The following CMTM8 variants were observed in gnomAD, a reference collection of about 807,000 sequenced individuals.
CMTM8 encodes CKLF-like MARVEL transmembrane domain-containing protein 8.
Under a neutral mutation model 18.6 loss-of-function variants are expected in CMTM8, and 12 were observed. That is an observed-to-expected ratio of 0.65 (90% CI 0.41 to 1.05). CMTM8 has a LOEUF of 1.05. CMTM8 is among the 50% of genes least tolerant of loss of function. The pLI is 0.00. For synonymous variants in CMTM8, 87 were observed against 90.6 expected (o/e 0.96, Z 0.23); for missense variants, 217 against 227.2 (o/e 0.95, Z 0.29).
intron 1 of CMTM8, among the ~76,000 whole-genome samples, chr3:32,320,881 A>G (rs1247430192): frequency 4.6e-5 from 7 of 152,072 alleles, no homozygotes; most frequent in Admixed American, 1.3e-4. Flanking sequence ...GTTTGCCCCT[A>G]TGATCTTATT....
chr3:32,297,416 G>C (rs1702900287), intron 1 of CMTM8, among the ~76,000 whole-genome samples: 1 of 152,174 alleles, frequency 6.6e-6, no homozygotes. Flanking sequence ...CTGACCTCAG[G>C]TGATCCACCC....
At chr3:32,279,063 T>C (rs1176333037) in intron 1 of CMTM8, among the ~76,000 whole-genome samples, 1 of 152,230 alleles carries the variant, frequency 6.6e-6, no homozygotes, top group African/African-American at 2.4e-5. Flanking sequence ...CTCAGTGTCT[T>C]GGCTGTGCTT....
At chr3:32,295,030 G>C (rs903642782) in intron 1 of CMTM8, among the ~76,000 whole-genome samples, 1 of 152,118 alleles carries the variant, frequency 6.6e-6, no homozygotes, top group Middle Eastern at 3.2e-3. Context: ...AATCCAGCCT[G>C]GGTGACAGAG....
chr3:32,354,948 G>A (rs112387401), intron 1 of CMTM8, among the ~76,000 whole-genome samples: 2,250 of 152,240 alleles, frequency 0.015, 28 homozygotes, highest in Non-Finnish European at 0.021. Flanking sequence ...TTGTTGCCAC[G>A]GATGTAAACA....
At chr3:32,316,088 G>A (rs552071413) in intron 1 of CMTM8, among the ~76,000 whole-genome samples, 14 of 139,172 alleles carry the variant, frequency 1.0e-4, no homozygotes, top group Admixed American at 4.7e-4. Flanking sequence ...GTACAGTGGC[G>A]CGATCTCGGC....
intron 1 of CMTM8, among the ~76,000 whole-genome samples, chr3:32,263,153 C>G (rs1256919642): frequency 2.0e-5 from 3 of 152,212 alleles, no homozygotes; most frequent in Non-Finnish European, 2.9e-5. Flanking sequence ...CAGACTGCCT[C>G]TTCAAGTGGG....
chr3:32,365,818 G>A (rs1185488114), intron 2 of CMTM8, among the ~76,000 whole-genome samples: 1 of 152,142 alleles, frequency 6.6e-6, no homozygotes, highest in African/African-American at 2.4e-5. Flanking sequence ...ATTTCAGTTG[G>A]AGGAGCTATA....
At chr3:32,257,403 T>C (rs1009609082) in intron 1 of CMTM8, among the ~76,000 whole-genome samples, 1 of 152,244 alleles carries the variant, frequency 6.6e-6, no homozygotes, top group Non-Finnish European at 1.5e-5. Context: ...ACTAAAGGAA[T>C]CTTTATTCAA....
At chr3:32,310,115 G>A (rs1695791704) in intron 1 of CMTM8, among the ~76,000 whole-genome samples, 1 of 152,136 alleles carries the variant, frequency 6.6e-6, no homozygotes, top group African/African-American at 2.4e-5. Flanking sequence ...GTTCTCATGT[G>A]TAGAAAGGAG....
intron 1 of CMTM8, among the ~76,000 whole-genome samples, chr3:32,298,823 G>A (rs1695540463): frequency 2.7e-5 from 3 of 109,528 alleles, no homozygotes; most frequent in Admixed American, 2.1e-4. Context: ...ATACACGTGT[G>A]TATGTGTATA....
chr3:32,273,767 G>A (rs1398469143), intron 1 of CMTM8, among the ~76,000 whole-genome samples: 1 of 152,030 alleles, frequency 6.6e-6, no homozygotes, highest in African/African-American at 2.4e-5. Flanking sequence ...GGATAGTTGT[G>A]GTAGTTACAT....
At chr3:32,292,848 T>A (rs1022817253) in intron 1 of CMTM8, among the ~76,000 whole-genome samples, 2 of 152,158 alleles carry the variant, frequency 1.3e-5, no homozygotes, top group Admixed American at 1.3e-4. Flanking sequence ...TCACCTGTAG[T>A]TGAAAACCAC....
At chr3:32,313,050 A>C (rs1008793886) in intron 1 of CMTM8, among the ~76,000 whole-genome samples, 1 of 152,116 alleles carries the variant, frequency 6.6e-6, no homozygotes, top group African/African-American at 2.4e-5. Context: ...ATTATATCAC[A>C]GTATCACACC....
chr3:32,263,340 G>T (rs1003648341), intron 1 of CMTM8, among the ~76,000 whole-genome samples: 1 of 152,114 alleles, frequency 6.6e-6, no homozygotes, highest in Non-Finnish European at 1.5e-5. Context: ...CCAGGCAAAC[G>T]GTCTGGAGTG....
intron 1 of CMTM8, among the ~76,000 whole-genome samples, chr3:32,320,470 G>T (rs997777938): frequency 1.3e-5 from 2 of 152,180 alleles, no homozygotes; most frequent in African/African-American, 4.8e-5. Flanking sequence ...TGGCCTGAGG[G>T]TGGTAGGGGT....
At chr3:32,309,538 C>T (rs952146307) in intron 1 of CMTM8, among the ~76,000 whole-genome samples, 3 of 152,058 alleles carry the variant, frequency 2.0e-5, no homozygotes, top group African/African-American at 4.8e-5. Context: ...GATGTCCTGA[C>T]CTCAGGTGAT....
chr3:32,308,148 C>T (rs536199657), intron 1 of CMTM8, among the ~76,000 whole-genome samples: 3 of 152,190 alleles, frequency 2.0e-5, no homozygotes, highest in Non-Finnish European at 4.4e-5. Flanking sequence ...GAAAGAGTCA[C>T]ACCTCCTTCG....
At chr3:32,360,560 T>G (rs1028447440) in intron 2 of CMTM8, among the ~76,000 whole-genome samples, 1 of 152,256 alleles carries the variant, frequency 6.6e-6, no homozygotes, top group Non-Finnish European at 1.5e-5. Context: ...AACTTCCATA[T>G]TTTCCACTGC....
intron 1 of CMTM8, among the ~76,000 whole-genome samples, chr3:32,319,152 C>A (rs1263019885): frequency 7.1e-6 from 1 of 140,992 alleles, no homozygotes; most frequent in Non-Finnish European, 1.5e-5. Flanking sequence ...AATCTCAGCT[C>A]ACTGCAACCT....
Sources: gnomAD v4.1 joint callset for allele counts (sites outside exome capture counted in the v4.1 genomes callset) on GRCh38, gnomAD v4.1.1 for gene constraint, MANE v1.5 for transcripts, NCBI Gene and HGNC (gene_info 2026-07-23, HGNC 2026-07-21) for gene names.